The following PHF11 variants were observed in gnomAD, a reference collection of about 807,000 sequenced individuals.
The protein encoded by PHF11 is PHD finger protein 11.
Under a neutral mutation model 40.5 loss-of-function variants are expected in PHF11, and 38 were observed. That is an observed-to-expected ratio of 0.94 (90% CI 0.72 to 1.23). The LOEUF (loss-of-function observed/expected upper bound fraction) is 1.23. Ranked by LOEUF, PHF11 falls within the 50% of genes most tolerant of loss-of-function variation. PHF11 has a pLI of 0.00. For synonymous variants in PHF11, 127 were observed against 138.2 expected (o/e 0.92, Z 0.57); for missense variants, 369 against 392.4 (o/e 0.94, Z 0.50).
At chr13:49,522,499 G>A (rs1275369303) in intron 6 of PHF11, among the ~76,000 whole-genome samples, 2 of 152,088 alleles carry the variant, frequency 1.3e-5, no homozygotes, top group South Asian at 2.1e-4. Flanking sequence ...CATCCTTATG[G>A]AGCCAAGTAT....
In PHF11 at chr13:49,528,566, G is replaced by A; in HGVS notation, c.897G>A (p.Glu299=). The A allele has an allele frequency of 6.2e-7, 1 of 1,611,664 alleles. No homozygotes were observed. The highest frequency in any genetic ancestry group is 8.5e-7 in the Non-Finnish European group (1 of 1,178,062). The change falls in exon 10 of 10, where the codon GAG becomes GAA. Residue 299 remains glutamate (E), a synonymous_variant. Transcript: ENST00000378319. ...SQQRWQQLKE[E]IELLQDLKQT... is the part of the protein sequence containing the mutation. ...AAAGGTGGCAGCAGTTGAAGGAAGAGATTGAGCTACTTCAGGACTTAAAAC... is the reference window on the plus strand; with the variant it reads ...AAAGGTGGCAGCAGTTGAAGGAAGAAATTGAGCTACTTCAGGACTTAAAAC...
chr13:49,527,228 G>A (rs1258002294), intron 9 of PHF11: 1 of 152,082 alleles, frequency 6.6e-6, no homozygotes, highest in Non-Finnish European at 1.5e-5. Flanking sequence ...CTCAAGACAG[G>A]CTACACCTCC....
intron 2 of PHF11, among the ~76,000 whole-genome samples, chr13:49,509,019 C>T (rs970057133): frequency 6.6e-6 from 1 of 151,904 alleles, no homozygotes; most frequent in African/African-American, 2.4e-5. Flanking sequence ...TGAAATGATC[C>T]GGGTTCTTTT....
In PHF11 at chr13:49,528,653, CCT is replaced by C. The variant is rs1959414916; in HGVS notation, c.985_986del (p.Leu329ValfsTer9). 1 of 1,601,458 alleles carries C rather than the reference CCT, an allele frequency of 6.2e-7. No homozygotes were observed. Among genetic ancestry groups the C allele is most frequent in the African/African-American group, 1.3e-5 (1 of 74,258 alleles). On this transcript the variant is annotated frameshift_variant, in exon 10 of 10. Coordinates refer to ENST00000378319, the MANE Select transcript of PHF11 (RefSeq NM_001040443.3). LOFTEE classifies it high-confidence loss of function. ...LMSSSTSISSLSY is the reference protein window; with the variant it reads ...LMSSSTSISSXSY ...TGTCAAGTTCTACATCAATATCATC[CCT>C]GTCTTATTAGGGATTACCGTTTCCT...
At chr13:49,497,602 T>G (rs1958835008) in intron 1 of PHF11, among the ~76,000 whole-genome samples, 1 of 152,240 alleles carries the variant, frequency 6.6e-6, no homozygotes, top group South Asian at 2.1e-4. Flanking sequence ...CTGGCTTCTA[T>G]TCTAGCCTTT....
chr13:49,518,213 A>G (rs1959171086), intron 4 of PHF11, 62 bp downstream of exon 4: 2 of 1,228,936 alleles, frequency 1.6e-6, no homozygotes, highest in Non-Finnish European at 2.3e-6. Context: ...TGGTTGGATT[A>G]AGACAAGGAG....
At chr13:49,500,680 C>G (rs1477183830) in intron 1 of PHF11, among the ~76,000 whole-genome samples, 1 of 152,192 alleles carries the variant, frequency 6.6e-6, no homozygotes, top group East Asian at 1.9e-4. Flanking sequence ...GGGTCCCACC[C>G]CATGTTTTTA....
Position 49,496,095 on chromosome 13 carries a change from G to T in PHF11, c.94G>T (p.Gly32Cys). The T allele has an allele frequency of 1.2e-5, 10 of 800,740 alleles. No individual in the cohort carries two copies. Among genetic ancestry groups the T allele is most frequent in the South Asian group, 8.7e-5 (4 of 45,752 alleles). The allele number at this position is 800,740 out of a possible 1,614,324, so 49.6% of individuals were successfully genotyped here. A position where few individuals can be genotyped will look rare whatever the true frequency, so the allele number is the denominator to read the frequency against. ...GCAGGAGGCGCTCCTCCTTCCCACCGGTGTGTACCGCGGGGGCGGGCGGGC... is the reference window on the plus strand; with the variant it reads ...GCAGGAGGCGCTCCTCCTTCCCACCTGTGTGTACCGCGGGGGCGGGCGGGC... ...PAQEALLLPT[G>C]VFQVAEKMEK... is the part of the protein sequence containing the mutation. Residue 32 changes from glycine to cysteine, a missense_variant and splice_region_variant, in exon 1 of 10, where the codon GGT (glycine) becomes TGT (cysteine). Transcript: ENST00000378319.
chr13:49,522,206 A>C, intron 6 of PHF11, 99 bp downstream of exon 6: 1 of 629,900 alleles, frequency 1.6e-6, no homozygotes, highest in Non-Finnish European at 2.9e-6. Flanking sequence ...CAAATCGTCC[A>C]AACAGAGAGC....
chr13:49,501,000 G>GTTTTTGTTT (rs1958892357), intron 1 of PHF11, among the ~76,000 whole-genome samples: 1 of 51,310 alleles, frequency 1.9e-5, no homozygotes, highest in African/African-American at 9.1e-5. Flanking sequence ...ACCAACTTTT[G>GTTTTTGTTT]TTTTTTTTTT....
intron 4 of PHF11, chr13:49,518,398 T>C (rs914160233): frequency 9.1e-5 from 19 of 208,132 alleles, no homozygotes; most frequent in East Asian, 9.5e-5. Flanking sequence ...CATGTTTTTT[T>C]AAATATGATT....
At chr13:49,507,740 A>G (rs1347671317) in intron 2 of PHF11, among the ~76,000 whole-genome samples, 1 of 152,208 alleles carries the variant, frequency 6.6e-6, no homozygotes, top group Non-Finnish European at 1.5e-5. Flanking sequence ...ATATCTCATA[A>G]AATTTATTGA....
intron 2 of PHF11, among the ~76,000 whole-genome samples, chr13:49,511,946 G>A (rs78298043): frequency 1.4e-3 from 213 of 152,304 alleles, no homozygotes; most frequent in African/African-American, 4.9e-3. Context: ...ATAGCTAGAA[G>A]TAGAATTACT....
chr13:49,520,924 G>T lies in PHF11; in HGVS notation c.489G>T (p.Pro163=), dbSNP rs749121256. The T allele has an allele frequency of 5.7e-6, 9 of 1,581,804 alleles. No homozygotes were observed. The highest frequency in any genetic ancestry group is 7.8e-6 in the Non-Finnish European group (9 of 1,157,164). Residue 163 remains proline, a synonymous_variant, in exon 5 of 10, where the codon CCG becomes CCT. Transcript: ENST00000378319. Reference sequence around the variant, plus strand: ...TTTGCCAGCAACATGCTCAATTCCCGATCATCGCTCAAAGTGGTAAGTTTC... The same window carrying T: ...TTTGCCAGCAACATGCTCAATTCCCTATCATCGCTCAAAGTGGTAAGTTTC... ...KLLCQQHAQF[P]IIAQSAKFSG...
intron 1 of PHF11, among the ~76,000 whole-genome samples, chr13:49,506,407 A>G (rs1308817850): frequency 6.6e-6 from 1 of 152,154 alleles, no homozygotes; most frequent in Non-Finnish European, 1.5e-5. Flanking sequence ...AGTTATCCTC[A>G]TTATTAGGCA....
chr13:49,523,502 A>G (rs891089727), intron 7 of PHF11: 10 of 469,188 alleles, frequency 2.1e-5, no homozygotes, highest in Non-Finnish European at 3.4e-5. Context: ...GGCTTGCCTG[A>G]GCTCAGAATC....
At chr13:49,527,364 C>T (rs1447773443) in intron 9 of PHF11, 1 of 152,130 alleles carries the variant, frequency 6.6e-6, no homozygotes, top group Non-Finnish European at 1.5e-5. Flanking sequence ...AGTGAGTGCC[C>T]TCCACACTCT....
chr13:49,524,145 T>A lies in PHF11; in HGVS notation c.698T>A (p.Leu233Ter). The change falls in exon 8 of 10, where the codon TTA becomes TAA. Residue 233 changes from leucine to a stop codon, truncating the protein, a stop_gained. Coordinates refer to ENST00000378319, the MANE Select transcript of PHF11 (RefSeq NM_001040443.3). LOFTEE classifies it high-confidence loss of function. ...KCKEAGLLNY[L>*]LEEILDKVHS... ...AAGGAAGCAGGACTTCTTAATTACT[T>A]ACTTGAAGAAATATTAGACAAAGTT... 6.2e-7 allele frequency: 1 copy of A among 1,606,636 alleles called. No individual in the cohort carries two copies. Among genetic ancestry groups the A allele is most frequent in the Non-Finnish European group, 8.5e-7 (1 of 1,173,914 alleles).
chr13:49,503,500 A>G lies in PHF11; in HGVS notation c.95-3135A>G, dbSNP rs1368904698. Among the ~76,000 whole-genome samples, 29 of 152,172 alleles carry G rather than the reference A, an allele frequency of 1.9e-4. 1 individual carries two copies. The highest frequency in any genetic ancestry group is 1.8e-3 in the Admixed American group (28 of 15,280). On this transcript the variant is annotated intron_variant, in intron 1 of 9. Coordinates refer to ENST00000378319, the MANE Select transcript of PHF11 (RefSeq NM_001040443.3). ...ATTTCTTTACGTCCTCTGCTCTACT[A>G]TTCACTAGAGGAGCCCCTCACCACA...
Sources: gnomAD v4.1 joint callset for allele counts (sites outside exome capture counted in the v4.1 genomes callset) on GRCh38, gnomAD v4.1.1 for gene constraint, MANE v1.5 for transcripts, NCBI Gene and HGNC (gene_info 2026-07-23, HGNC 2026-07-21) for gene names.